The following DOCK5 variants were observed in gnomAD, a reference collection of about 807,000 sequenced individuals.
DOCK5 encodes dedicator of cytokinesis 5.
A neutral mutation model predicts 251.8 loss-of-function variants in DOCK5; 142 were observed. The observed-to-expected ratio is 0.56, with a 90% CI of 0.49 to 0.65. The LOEUF is 0.65. DOCK5 is among the 30% of genes least tolerant of loss of function. DOCK5 has a pLI of 0.00. For missense variants in DOCK5, 2,111 were observed against 2,312.3 expected (o/e 0.91, Z 1.79); for synonymous variants, 842 against 835.5 (o/e 1.01, Z -0.13).
Position 25,364,695 on chromosome 8 carries a change from T to C in DOCK5, c.3114T>C (p.Phe1038=). The C allele has an allele frequency of 6.3e-7, 1 of 1,591,900 alleles. No homozygotes were observed. ...GATTCTTCATGGATCAGGCAAGCTTTGAACTTCAGGTAGGCATGTGACTCA... is the reference window on the plus strand; with the variant it reads ...GATTCTTCATGGATCAGGCAAGCTTCGAACTTCAGGTAGGCATGTGACTCA... ...LTRFFMDQAS[F]ELQLWNNYFH... Residue 1038 remains phenylalanine (F), a synonymous_variant, in exon 30 of 52, where the codon TTT becomes TTC. Transcript: ENST00000276440.
At chr8:25,370,014 T>C (rs1482563068) in intron 34 of DOCK5, among the ~76,000 whole-genome samples, 1 of 152,242 alleles carries the variant, frequency 6.6e-6, no homozygotes, top group Non-Finnish European at 1.5e-5. Context: ...AGGTCTGCTG[T>C]GTATGTAAAA....
chr8:25,319,817 G>A, intron 15 of DOCK5, 141 bp downstream of exon 15: 1 of 566,778 alleles, frequency 1.8e-6, no homozygotes, highest in East Asian at 3.0e-5. Flanking sequence ...AAATGAATCA[G>A]TAATTATAAT....
chr8:25,400,512 G>A (rs116500617), intron 46 of DOCK5, among the ~76,000 whole-genome samples: 1,471 of 44,812 alleles, frequency 0.033, 5 homozygotes, highest in Middle Eastern at 0.073. Context: ...AAAAAAAAAA[G>A]AAAAGTTCAT....
intron 49 of DOCK5, 138 bp from the exon 50 acceptor site, chr8:25,408,664 A>G: frequency 1.1e-6 from 1 of 951,000 alleles, no homozygotes; most frequent in Middle Eastern, 3.2e-4. Flanking sequence ...GTTGCCCATC[A>G]TATGACAATG....
At chr8:25,257,860 C>G (rs908138551) in intron 2 of DOCK5, among the ~76,000 whole-genome samples, 24 of 152,278 alleles carry the variant, frequency 1.6e-4, no homozygotes, top group African/African-American at 5.8e-4. Flanking sequence ...ATTCATTGCT[C>G]CTACTGACAA....
chr8:25,340,883 T>C lies in DOCK5; in HGVS notation c.2334T>C (p.Tyr778=), dbSNP rs1277321704. Residue 778 remains tyrosine, a synonymous_variant, in exon 23 of 52, where the codon TAT becomes TAC. Coordinates refer to ENST00000276440, the MANE Select transcript of DOCK5 (RefSeq NM_024940.8). Reference sequence around the variant, plus strand: ...TTGTCTTTTTCCTATTAAGATTTTATGGGCAGAGCAAAGATGGAGATGAGT... The same window carrying C: ...TTGTCTTTTTCCTATTAAGATTTTACGGGCAGAGCAAAGATGGAGATGAGT... ...IQSRVLYLRF[Y]GQSKDGDEFN... is the part of the protein sequence containing the mutation. 1.2e-6 allele frequency: 2 copies of C among 1,613,216 alleles called. No individual in the cohort carries two copies. Among genetic ancestry groups the C allele is most frequent in the Non-Finnish European group, 1.7e-6 (2 of 1,179,600 alleles).
intron 5 of DOCK5, among the ~76,000 whole-genome samples, chr8:25,285,326 A>G (rs1463370112): frequency 6.6e-6 from 1 of 151,978 alleles, no homozygotes; most frequent in East Asian, 1.9e-4. Flanking sequence ...TTGTATTTTC[A>G]GTAGAGAAGG....
chr8:25,397,417 T>C (rs1443766671), intron 45 of DOCK5, among the ~76,000 whole-genome samples: 1 of 152,186 alleles, frequency 6.6e-6, no homozygotes, highest in Non-Finnish European at 1.5e-5. Flanking sequence ...GGTGGTGACA[T>C]CTATGCTCTG....
intron 1 of DOCK5, among the ~76,000 whole-genome samples, chr8:25,197,540 CA>C (rs914515969): frequency 1.3e-5 from 2 of 150,746 alleles, no homozygotes; most frequent in Non-Finnish European, 2.9e-5. Flanking sequence ...AGTTGGACCC[CA>C]AAGATGCCCT....
intron 2 of DOCK5, 46 bp from the exon 3 acceptor site, chr8:25,268,799 A>G: frequency 2.0e-6 from 3 of 1,505,956 alleles, no homozygotes; most frequent in Non-Finnish European, 2.7e-6. Flanking sequence ...ACTTTATGAT[A>G]TCCCAGAAAA....
chr8:25,256,303 T>C (rs1803418710), intron 2 of DOCK5, among the ~76,000 whole-genome samples: 1 of 152,228 alleles, frequency 6.6e-6, no homozygotes, highest in Non-Finnish European at 1.5e-5. Context: ...ATTACATTAC[T>C]AACCTTGAAT....
At chr8:25,367,283 G>C (rs1035215907) in intron 31 of DOCK5, among the ~76,000 whole-genome samples, 1 of 152,072 alleles carries the variant, frequency 6.6e-6, no homozygotes, top group Non-Finnish European at 1.5e-5. Flanking sequence ...CAAATTGCAG[G>C]CATAGTACCT....
chr8:25,366,698 A>G (rs1379183846), intron 30 of DOCK5, among the ~76,000 whole-genome samples, 172 bp from the exon 31 acceptor site: 1 of 152,238 alleles, frequency 6.6e-6, no homozygotes, highest in Non-Finnish European at 1.5e-5. Context: ...CTTAACATTA[A>G]GTCTCAAAAC....
Position 25,296,589 on chromosome 8 carries a change from C to G in DOCK5, c.547C>G (p.Leu183Val). The G allele has an allele frequency of 6.2e-7, 1 of 1,612,626 alleles. No individual in the cohort carries two copies. Among genetic ancestry groups the G allele is most frequent in the Non-Finnish European group, 8.5e-7 (1 of 1,179,352 alleles). The change falls in exon 7 of 52, where the codon CTC (leucine) becomes GTC (valine). Residue 183 changes from leucine to valine, a missense_variant. Around this residue, in one of 3 missense-constraint regions of DOCK5, gnomAD observed 335 missense variants for 324.9 expected, o/e 1.03. Coordinates refer to ENST00000276440, the MANE Select transcript of DOCK5 (RefSeq NM_024940.8). ...LDPDETSTIA[L>V]FKAHEVASKR... ...CCCTGACGAAACCAGCACCATTGCCCTCTTCAAGGCCCATGAGGTGGCCTC... is the reference window on the plus strand; with the variant it reads ...CCCTGACGAAACCAGCACCATTGCCGTCTTCAAGGCCCATGAGGTGGCCTC...
intron 2 of DOCK5, among the ~76,000 whole-genome samples, chr8:25,259,313 A>C (rs966338435): frequency 6.6e-6 from 1 of 152,152 alleles, no homozygotes; most frequent in African/African-American, 2.4e-5. Context: ...GCCGTGGGCT[A>C]GCTTGGTATA....
intron 1 of DOCK5, among the ~76,000 whole-genome samples, chr8:25,243,234 A>T (rs1195352958): frequency 6.6e-6 from 1 of 152,174 alleles, no homozygotes; most frequent in Non-Finnish European, 1.5e-5. Flanking sequence ...GGATGGGGGA[A>T]ATGAGGATCC....
At chr8:25,188,486 C>T (rs567640471) in intron 1 of DOCK5, among the ~76,000 whole-genome samples, 2 of 152,324 alleles carry the variant, frequency 1.3e-5, no homozygotes, top group African/African-American at 4.8e-5. Context: ...GAGGATAGAG[C>T]TTTGGACTCA....
At chr8:25,345,282 G>T in intron 25 of DOCK5, 193 bp from the exon 26 acceptor site, 1 of 466,110 alleles carries the variant, frequency 2.1e-6, no homozygotes, top group Non-Finnish European at 3.7e-6. Flanking sequence ...TCATTCATCT[G>T]CGCATTGAAC....
intron 34 of DOCK5, among the ~76,000 whole-genome samples, chr8:25,371,285 C>T (rs533710262): frequency 1.0e-3 from 158 of 152,178 alleles, no homozygotes; most frequent in African/African-American, 3.7e-3. Flanking sequence ...CTCTTGACCT[C>T]GTGATCCACC....
Sources: allele counts gnomAD v4.1 joint callset (sites outside exome capture counted in the v4.1 genomes callset), GRCh38; gene constraint gnomAD v4.1.1; regional missense constraint gnomAD v4.1.1; transcripts MANE v1.5; gene names NCBI Gene and HGNC (gene_info 2026-07-23, HGNC 2026-07-21).